Variants in CDC42BPB observed in about 807,000 individuals in gnomAD.
The protein encoded by CDC42BPB is CDC42 binding protein kinase beta, also known as serine/threonine-protein kinase MRCK beta.
In CDC42BPB, 37 loss-of-function variants were observed where a neutral mutation model predicts 214.9. That is an observed-to-expected ratio of 0.17 (90% CI 0.13 to 0.23). The LOEUF (loss-of-function observed/expected upper bound fraction) is 0.23, where lower values mean the gene tolerates loss of function less well. CDC42BPB is among the 10% of genes least tolerant of loss of function. The probability of loss-of-function intolerance (pLI) is 1.00; values close to 1 mark genes in which losing one functional copy is unlikely to be tolerated. For missense variants in CDC42BPB, 1,694 were observed against 2,227.0 expected, an observed-to-expected ratio of 0.76 and a Z score of 4.82; for synonymous variants, 931 against 884.0, an observed-to-expected ratio of 1.05 and a Z score of -0.94.
chr14:102,950,379 G>C lies in CDC42BPB; in HGVS notation c.3309+87C>G, dbSNP rs902421016. The C allele has an allele frequency of 3.0e-5, 45 of 1,523,750 alleles. No individual in the cohort carries two copies. The African/African-American group carries it at 4.5e-4, about 15-fold the overall frequency. 94.4% of individuals were successfully genotyped at this position (1,523,750 alleles called of 1,614,324 possible). ...ACCAGGGCCACCTGCCGCAGCAAGGGGCTGCTTTCAAGAGTGGCTGGGCAT... is the reference window on the plus strand; with the variant it reads ...ACCAGGGCCACCTGCCGCAGCAAGGCGCTGCTTTCAAGAGTGGCTGGGCAT... On this transcript the variant is annotated intron_variant, in intron 25 of 36. Transcript: ENST00000361246.
At chr14:103,025,520 GA>G (rs1257682174) in intron 1 of CDC42BPB, among the ~76,000 whole-genome samples, 50 of 140,582 alleles carry the variant, frequency 3.6e-4, no homozygotes, top group African/African-American at 8.4e-4. Flanking sequence ...AAAAAAAAAA[GA>G]AAAAAAAAAG....
At chr14:102,975,485 T>C (rs1290475723) in intron 11 of CDC42BPB, among the ~76,000 whole-genome samples, 199 bp downstream of exon 11, 1 of 152,178 alleles carries the variant, frequency 6.6e-6, no homozygotes, top group African/African-American at 2.4e-5. Context: ...ATCGCACCAC[T>C]GCACTCCAGC....
At chr14:102,972,470 T>C (rs886786141) in intron 12 of CDC42BPB, 1 of 215,582 alleles carries the variant, frequency 4.6e-6, no homozygotes, top group Non-Finnish European at 7.9e-6. Context: ...GCGGGTCACC[T>C]GAGGTCAGGA....
At chr14:102,986,749 G>A in intron 5 of CDC42BPB, 169 bp from the exon 6 acceptor site, 1 of 985,168 alleles carries the variant, frequency 1.0e-6, no homozygotes, top group Non-Finnish European at 1.2e-6. Context: ...CATGGTGGCA[G>A]CCGAAGTCGT....
intron 20 of CDC42BPB, among the ~76,000 whole-genome samples, chr14:102,961,556 C>T (rs1172480893): frequency 4.7e-5 from 7 of 149,316 alleles, no homozygotes; most frequent in Non-Finnish European, 1.0e-4. Context: ...TTTAAGACAG[C>T]GTTTTGCTCT....
intron 5 of CDC42BPB, among the ~76,000 whole-genome samples, chr14:102,995,196 C>CA (rs1305225679): frequency 1.3e-5 from 2 of 149,720 alleles, no homozygotes; most frequent in Admixed American, 6.6e-5. Context: ...TTTTTTGAGA[C>CA]AGAGTATCGC....
rs756971709 is a variant in CDC42BPB, at chr14:102,949,790, T to C, written c.3424A>G (p.Ile1142Val). 60 of 1,613,314 alleles carry C rather than the reference T, an allele frequency of 3.7e-5. No homozygotes were observed. The highest frequency in any genetic ancestry group is 4.7e-5 in the Non-Finnish European group (56 of 1,180,016). ...CTGAGATCCAAGACTTGGCTCGCAA[T>C]GACACCAGGCTGGGTGGATTTTCCT... is the stretch of plus-strand genomic sequence containing the variant. ...PEGKSTQPGVIASQVLDLRDD... is the reference protein window; with the variant it reads ...PEGKSTQPGVVASQVLDLRDD... Residue 1142 changes from isoleucine (I) to valine (V), a missense_variant, in exon 26 of 37, where the codon ATT becomes GTT. This residue lies in a region of CDC42BPB where 567 missense variants were observed against 790.3 expected (regional missense o/e 0.72). Transcript: ENST00000361246.
chr14:103,016,796 T>C (rs1237911928), intron 1 of CDC42BPB, among the ~76,000 whole-genome samples: 2 of 147,600 alleles, frequency 1.4e-5, no homozygotes, highest in African/African-American at 2.6e-5. Flanking sequence ...GGTGTGAACA[T>C]ACAGAGTCCT....
At chr14:102,989,652 C>A (rs1894401510) in intron 5 of CDC42BPB, among the ~76,000 whole-genome samples, 1 of 152,060 alleles carries the variant, frequency 6.6e-6, no homozygotes, top group South Asian at 2.1e-4. Flanking sequence ...GTGGAAGGAT[C>A]GCCTGAGGTT....
Position 103,012,127 on chromosome 14 carries a change from A to G in CDC42BPB, c.237T>C (p.Ile79=). 3 of 1,613,306 alleles carry G rather than the reference A, an allele frequency of 1.9e-6. No homozygotes were observed. ...MQLHREDFEI[I]KVIGRGAFGE... is the part of the protein sequence containing the mutation. Reference sequence around the variant, plus strand: ...CAAAAGCACCTCTTCCAATTACTTTAATTATTTCAAAGTCTTCTCGATGAA... The same window carrying G: ...CAAAAGCACCTCTTCCAATTACTTTGATTATTTCAAAGTCTTCTCGATGAA... The change falls in exon 2 of 37, where the codon ATT becomes ATC. Residue 79 remains isoleucine, a synonymous_variant. Transcript: ENST00000361246.
chr14:103,047,279 CA>C (rs397852207), intron 1 of CDC42BPB, among the ~76,000 whole-genome samples: 30,588 of 93,244 alleles, frequency 0.33, 3,400 homozygotes, highest in Middle Eastern at 0.41. Flanking sequence ...GTAATACTCT[CA>C]AAAAAAAAAA....
At chr14:103,038,721 G>GA (rs1462242586) in intron 1 of CDC42BPB, among the ~76,000 whole-genome samples, 1 of 109,754 alleles carries the variant, frequency 9.1e-6, no homozygotes, top group Non-Finnish European at 1.8e-5. Context: ...GAGACGGGGG[G>GA]GGGGGGCGGG....
rs1251755868 is a variant in CDC42BPB at position 102,944,988 on chromosome 14, T to C, written c.3812-501A>G. On this transcript the variant is annotated intron_variant, in intron 29 of 36. Transcript: ENST00000361246. This position sits in a 1 kb window ranked among gnomAD's most constrained non-coding sequence, Gnocchi z 6.6. ...CCCAGTGAAGACACTGCCCTCACAC[T>C]CACACGGCCCCCAGTGAAGACGCCG... Among the ~76,000 whole-genome samples the C allele has an allele frequency of 6.6e-6, 1 of 151,920 alleles. No homozygotes were observed. The highest frequency in any genetic ancestry group is 1.5e-5 in the Non-Finnish European group (1 of 67,960).
At chr14:102,967,284 A>T in intron 16 of CDC42BPB, 114 bp from the exon 17 acceptor site, 1 of 1,430,444 alleles carries the variant, frequency 7.0e-7, no homozygotes, top group South Asian at 1.6e-5. Flanking sequence ...AATCGTCATG[A>T]GATTTTTCCA....
intron 6 of CDC42BPB, among the ~76,000 whole-genome samples, chr14:102,984,508 A>G (rs1894146612): frequency 6.6e-6 from 1 of 151,730 alleles, no homozygotes; most frequent in Non-Finnish European, 1.5e-5. Context: ...GACCGCTCCT[A>G]CCCCCGCAAG....
Position 103,023,713 on chromosome 14 carries a change from GA to G in CDC42BPB, c.176-11526del, listed in dbSNP as rs540472645. On this transcript the variant is annotated intron_variant, in intron 1 of 36. Transcript: ENST00000361246. ...GAGTAAAAACTTTAGTTTTGACAAA[GA>G]AAATATATTCATAAACATATACACT... is the stretch of plus-strand genomic sequence containing the variant. Among the ~76,000 whole-genome samples the G allele has an allele frequency of 9.2e-5, 14 of 151,992 alleles. No homozygotes were observed. In the East Asian group the frequency reaches 2.5e-3, roughly 27 times the overall value.
chr14:102,933,448 T>C lies in CDC42BPB; in HGVS notation c.*264A>G. 1 of 346,700 alleles carries C rather than the reference T, an allele frequency of 2.9e-6. No individual in the cohort carries two copies. The highest frequency in any genetic ancestry group is 5.2e-6 in the Non-Finnish European group (1 of 193,424). The allele number at this position is 346,700 out of a possible 1,614,324, so 21.5% of individuals were successfully genotyped here. On this transcript the variant is annotated 3_prime_UTR_variant, in exon 37 of 37. Transcript: ENST00000361246. ...ATATGCCCTCTCGGGTTGTCAGGGG[T>C]GGGAGACAGGCTGTATGGGGGTCCT...
At chr14:103,053,678 C>T (rs1202383038) in intron 1 of CDC42BPB, among the ~76,000 whole-genome samples, 3 of 149,988 alleles carry the variant, frequency 2.0e-5, no homozygotes, top group South Asian at 4.3e-4. Flanking sequence ...AGGAGAACAA[C>T]GTGAACCCGG....
At chr14:103,048,167 A>G (rs1187249114) in intron 1 of CDC42BPB, among the ~76,000 whole-genome samples, 1 of 152,198 alleles carries the variant, frequency 6.6e-6, no homozygotes, top group African/African-American at 2.4e-5. Flanking sequence ...GATGAAGGTG[A>G]TAAGATTATG....
Sources: allele counts gnomAD v4.1 joint callset (sites outside exome capture counted in the v4.1 genomes callset), GRCh38; gene constraint gnomAD v4.1.1; regional missense constraint gnomAD v4.1.1; non-coding constraint Gnocchi (gnomAD v3.1); transcripts MANE v1.5; gene names NCBI Gene and HGNC (gene_info 2026-07-23, HGNC 2026-07-21).